Variants in ABCB4 observed in about 807,000 individuals in gnomAD.
ABCB4 encodes phosphatidylcholine translocator ABCB4.
ABCB4 carries 76 observed loss-of-function variants against 145.7 expected under a neutral mutation model. That is an observed-to-expected ratio of 0.52 (90% CI 0.43 to 0.63). The LOEUF (loss-of-function observed/expected upper bound fraction) is 0.63. Among genes scored for constraint, ABCB4 ranks in the 30% least tolerant of loss-of-function variants. The pLI, the probability that ABCB4 is intolerant of heterozygous loss-of-function variation, is 0.00. For synonymous variants in ABCB4, 517 were observed against 566.8 expected (o/e 0.91, Z 1.25); for missense variants, 1,234 against 1,553.1 (o/e 0.79, Z 3.45).
intron 3 of ABCB4, among the ~76,000 whole-genome samples, chr7:87,470,894 T>C: frequency 6.6e-6 from 1 of 152,240 alleles, no homozygotes; most frequent in South Asian, 2.1e-4. Flanking sequence ...ATATAAATCA[T>C]GCTGCTATAC....
chr7:87,406,709 G>A (rs1333921768), intron 25 of ABCB4, among the ~76,000 whole-genome samples: 2 of 152,104 alleles, frequency 1.3e-5, no homozygotes, highest in African/African-American at 4.8e-5. Flanking sequence ...CTGGCAAAAT[G>A]GTAGCACATT....
the ABCB4 span, chr7:87,375,504 T>C: frequency 1.7e-6 from 1 of 603,080 alleles, no homozygotes; most frequent in Admixed American, 3.3e-5. Flanking sequence ...TCTATTGGCA[T>C]CATAAGTGGT....
chr7:87,374,109 TA>T, the ABCB4 span, among the ~76,000 whole-genome samples: 2 of 151,968 alleles, frequency 1.3e-5, no homozygotes, highest in Non-Finnish European at 2.9e-5. Context: ...ATAGAATATT[TA>T]AAAAAATATA....
rs540952717 is a variant in ABCB4, at chr7:87,474,422, G to T, written c.80+964C>A. On this transcript the variant is annotated intron_variant, in intron 2 of 27. Transcript: ENST00000649586. ...TGGTGCTTAGAAGAAATACAGCAAG[G>T]TTACTGCACAACCACATTAACAGGC... Among the ~76,000 whole-genome samples, 27 of 152,256 alleles carry T rather than the reference G, an allele frequency of 1.8e-4. 1 individual carries two copies. The South Asian group carries it at 5.6e-3, about 32-fold the overall frequency.
upstream of ABCB4, chr7:87,475,710 G>T (rs1010416179): frequency 2.4e-5 from 11 of 454,280 alleles, no homozygotes; most frequent in Non-Finnish European, 1.9e-5. Context: ...TTTGCTCGCC[G>T]CGGCCTCGCC....
At chr7:87,426,720 A>G in intron 16 of ABCB4, 30 bp downstream of exon 16, 1 of 1,604,066 alleles carries the variant, frequency 6.2e-7, no homozygotes. Flanking sequence ...TACAAAGTAA[A>G]AGACTTAATT....
At position 87,423,997 on chromosome 7, in the gene ABCB4, T is replaced by G; in HGVS notation, c.2120A>C (p.Glu707Ala). The G allele has an allele frequency of 6.2e-7, 1 of 1,614,098 alleles. No individual in the cohort carries two copies. The highest frequency in any genetic ancestry group is 8.5e-7 in the Non-Finnish European group (1 of 1,179,982). ...FLKVLKLNKT[E>A]WPYFVVGTVC... is the part of the protein sequence containing the mutation. ...TGTTCCCACGACAAAGTAGGGCCATTCTGTTTTATTCAGTTTCAGGACCTT... is the reference window on the plus strand; with the variant it reads ...TGTTCCCACGACAAAGTAGGGCCATGCTGTTTTATTCAGTTTCAGGACCTT... The change falls in exon 17 of 28, where the codon GAA (glutamate) becomes GCA (alanine). Residue 707 changes from glutamate (E) to alanine (A), a missense_variant. Around this residue, in one of 7 missense-constraint regions of ABCB4, gnomAD observed 321 missense variants for 332.6 expected, o/e 0.97. Coordinates refer to ENST00000649586, the MANE Select transcript of ABCB4 (RefSeq NM_000443.4).
the ABCB4 span, among the ~76,000 whole-genome samples, chr7:87,395,855 T>A: frequency 6.6e-6 from 1 of 152,090 alleles, no homozygotes; most frequent in Non-Finnish European, 1.5e-5. Flanking sequence ...TTAAGGCTCA[T>A]TACATGCAGG....
At chr7:87,382,229 C>A in the ABCB4 span, 2 of 1,492,782 alleles carry the variant, frequency 1.3e-6, no homozygotes, top group South Asian at 1.2e-5. Context: ...TTTCTTTTAA[C>A]AACCATATGT....
the ABCB4 span, chr7:87,377,403 T>G: frequency 1.9e-6 from 3 of 1,611,544 alleles, no homozygotes; most frequent in Non-Finnish European, 2.5e-6. Context: ...TGACAAATCC[T>G]ATAACTTGAT....
intron 27 of ABCB4, 67 bp downstream of exon 27, chr7:87,403,068 T>A: frequency 6.4e-7 from 1 of 1,551,656 alleles, no homozygotes; most frequent in East Asian, 2.2e-5. Context: ...GTTTTTTTCA[T>A]GGTTGACAGC....
chr7:87,438,898 A>C (rs1191014557), intron 14 of ABCB4, among the ~76,000 whole-genome samples: 1 of 152,192 alleles, frequency 6.6e-6, no homozygotes, highest in Admixed American at 6.5e-5. Context: ...TTGTCTCTTA[A>C]ATTGTAAGAG....
At chr7:87,468,941 T>TAAATAAAATAAAATA (rs376156950) in intron 3 of ABCB4, among the ~76,000 whole-genome samples, 14 of 138,934 alleles carry the variant, frequency 1.0e-4, no homozygotes, top group South Asian at 4.6e-4. Flanking sequence ...AAAAAATAAA[T>TAAATAAAATAAAATA]AAATAAAATA....
chr7:87,472,945 C>T (rs182156194), intron 2 of ABCB4, among the ~76,000 whole-genome samples: 28 of 152,184 alleles, frequency 1.8e-4, no homozygotes, highest in African/African-American at 5.8e-4. Context: ...CTAACAGTGT[C>T]GCTAAGTCAA....
chr7:87,399,429 T>C (rs1807678546), downstream of ABCB4: 1 of 152,254 alleles, frequency 6.6e-6, no homozygotes, highest in Non-Finnish European at 1.5e-5. Context: ...TGAGCTGTGA[T>C]GTGCCCTTAT....
the ABCB4 span, chr7:87,375,964 A>G: frequency 6.8e-7 from 1 of 1,474,912 alleles, no homozygotes; most frequent in Non-Finnish European, 9.0e-7. Flanking sequence ...GTACTTAACT[A>G]CCTTCTCTTT....
At chr7:87,444,517 C>G (rs564619017) in intron 10 of ABCB4, among the ~76,000 whole-genome samples, 26 of 152,174 alleles carry the variant, frequency 1.7e-4, no homozygotes, top group African/African-American at 6.3e-4. Flanking sequence ...TTTATCTACC[C>G]CCCATCCCAT....
intron 8 of ABCB4, among the ~76,000 whole-genome samples, chr7:87,449,422 A>G (rs993337547): frequency 1.3e-5 from 2 of 150,876 alleles, no homozygotes; most frequent in African/African-American, 2.4e-5. Flanking sequence ...TGGGGCTTTT[A>G]TTTATTTATT....
At chr7:87,366,364 A>G in the ABCB4 span, among the ~76,000 whole-genome samples, 1 of 152,058 alleles carries the variant, frequency 6.6e-6, no homozygotes, top group East Asian at 1.9e-4. Context: ...TGGGGAAAAA[A>G]AAATGCCTTC....
Sources: gnomAD v4.1 joint callset for allele counts (sites outside exome capture counted in the v4.1 genomes callset) on GRCh38, gnomAD v4.1.1 for gene constraint, gnomAD v4.1.1 regional missense constraint, MANE v1.5 for transcripts, NCBI Gene and HGNC (gene_info 2026-07-23, HGNC 2026-07-21) for gene names.